The following ARHGAP18 variants were observed in gnomAD, a reference collection of about 807,000 sequenced individuals.
The protein encoded by ARHGAP18 is Rho GTPase activating protein 18.
A neutral mutation model predicts 86.2 loss-of-function variants in ARHGAP18; 67 were observed. The ratio of observed to expected loss-of-function variants is 0.78; its 90% CI spans 0.64 to 0.95. ARHGAP18 has a LOEUF of 0.95. ARHGAP18 is among the 40% of genes least tolerant of loss of function. The pLI is 0.00. For synonymous variants in ARHGAP18, 283 were observed against 280.4 expected (o/e 1.01, Z -0.09); for missense variants, 691 against 780.4 (o/e 0.89, Z 1.37).
rs1041314213 is a variant in ARHGAP18 at position 129,695,671 on chromosome 6, A to G, written c.113+14353T>C. The stretch of plus-strand genomic sequence containing the variant: ...CCTAAATTACACTAAAATCTTAGCA[A>G]TTCAGTGATCTGACAAAGCATCCCA... On this transcript the variant is annotated intron_variant, in intron 1 of 14. Transcript: ENST00000368149. 3.5e-4 allele frequency among the ~76,000 whole-genome samples: 53 copies of G among 152,214 alleles called. 4 individuals carry two copies.
intron 5 of ARHGAP18, among the ~76,000 whole-genome samples, chr6:129,624,037 G>A (rs1789287621): frequency 6.6e-6 from 1 of 152,100 alleles, no homozygotes; most frequent in South Asian, 2.1e-4. Context: ...GGTAGGTGAA[G>A]GTAAATTAGT....
chr6:129,629,898 G>T (rs1045893686), intron 4 of ARHGAP18, among the ~76,000 whole-genome samples: 21 of 152,144 alleles, frequency 1.4e-4, no homozygotes, highest in African/African-American at 4.8e-4. Context: ...AAAGAAGGAG[G>T]TGATGAGCAG....
rs11350669 is a variant in ARHGAP18, at chr6:129,670,688, C to CT, written c.114-28671dup. Among the ~76,000 whole-genome samples the CT allele has an allele frequency of 9.7e-3, 1,340 of 137,996 alleles. 18 individuals are homozygous for CT. Among genetic ancestry groups the CT allele is most frequent in the African/African-American group, 0.03 (1,090 of 36,562 alleles). 90.5% of individuals were successfully genotyped at this position (137,996 alleles called of 152,430 possible). On this transcript the variant is annotated intron_variant, in intron 1 of 14. Transcript: ENST00000368149. ...ACCAAAAGTATGTGAAGTCGTAACT[C>CT]TTTTTTTTTTTTTTTTTACTGCCTC...
chr6:129,603,998 A>T (rs565344406), intron 10 of ARHGAP18, among the ~76,000 whole-genome samples: 51 of 152,320 alleles, frequency 3.3e-4, no homozygotes, highest in African/African-American at 1.2e-3. Flanking sequence ...TCCTGAAATT[A>T]TATTGCATTG....
chr6:129,585,692 AAAATGG>A (rs1163170494), intron 12 of ARHGAP18, among the ~76,000 whole-genome samples: 3 of 152,348 alleles, frequency 2.0e-5, no homozygotes, highest in Non-Finnish European at 2.9e-5. Flanking sequence ...AACCTGAACA[AAAATGG>A]ACAAAGCCTT....
chr6:129,667,332 C>T (rs769841626), intron 1 of ARHGAP18, among the ~76,000 whole-genome samples: 1 of 151,938 alleles, frequency 6.6e-6, no homozygotes, highest in Non-Finnish European at 1.5e-5. Context: ...GAACTACAAC[C>T]CCTATTTGGC....
At chr6:129,684,583 A>G (rs923514032) in intron 1 of ARHGAP18, among the ~76,000 whole-genome samples, 1 of 152,180 alleles carries the variant, frequency 6.6e-6, no homozygotes, top group Non-Finnish European at 1.5e-5. Context: ...AATTTCATGG[A>G]AACACATACA....
chr6:129,671,111 T>C (rs531977994), intron 1 of ARHGAP18, among the ~76,000 whole-genome samples: 3 of 152,214 alleles, frequency 2.0e-5, no homozygotes, highest in Non-Finnish European at 4.4e-5. Context: ...TTTATAATCT[T>C]CACCTTTATG....
chr6:129,674,666 C>T (rs997207160), intron 1 of ARHGAP18, among the ~76,000 whole-genome samples: 25 of 152,138 alleles, frequency 1.6e-4, no homozygotes, highest in Admixed American at 1.6e-3. Flanking sequence ...CTAAACTATA[C>T]AGGAGGATGT....
At chr6:129,651,266 T>C (rs1773705529) in intron 1 of ARHGAP18, among the ~76,000 whole-genome samples, 1 of 152,188 alleles carries the variant, frequency 6.6e-6, no homozygotes, top group Non-Finnish European at 1.5e-5. Flanking sequence ...ATGTTACTTG[T>C]GGATGTTTAG....
intron 9 of ARHGAP18, among the ~76,000 whole-genome samples, chr6:129,606,520 A>G (rs1226088335): frequency 1.3e-5 from 2 of 152,170 alleles, no homozygotes; most frequent in African/African-American, 4.8e-5. Flanking sequence ...CATTTTCAGC[A>G]GCCCTTACCC....
Position 129,625,397 on chromosome 6 carries a change from A to ATAT in ARHGAP18, c.786+3953_786+3955dup, listed in dbSNP as rs1562697249. On this transcript the variant is annotated intron_variant, in intron 5 of 14. Transcript: ENST00000368149. ...TATATTATATATTATATATTTATAC[A>ATAT]TATGTATTATATATTATATATAATA... Among the ~76,000 whole-genome samples the ATAT allele has an allele frequency of 4.9e-4, 27 of 55,278 alleles. 4 individuals carry two copies. Among genetic ancestry groups the ATAT allele is most frequent in the African/African-American group, 3.1e-3 (26 of 8,434 alleles). 36.3% of individuals were successfully genotyped at this position (55,278 alleles called of 152,430 possible).
chr6:129,685,095 T>C (rs953533440), intron 1 of ARHGAP18, among the ~76,000 whole-genome samples: 2 of 152,136 alleles, frequency 1.3e-5, no homozygotes, highest in Non-Finnish European at 2.9e-5. Context: ...CTGCCAGGGT[T>C]TCAAAGCAGC....
At chr6:129,686,983 T>TTTTTTTTTTTTG (rs1774439356) in intron 1 of ARHGAP18, among the ~76,000 whole-genome samples, 1 of 68,462 alleles carries the variant, frequency 1.5e-5, no homozygotes, top group South Asian at 7.6e-4. Flanking sequence ...TTTTTCTTTT[T>TTTTTTTTTTTTG]TTTTTTTTTT....
intron 1 of ARHGAP18, among the ~76,000 whole-genome samples, chr6:129,660,149 C>T (rs561392198): frequency 1.2e-4 from 19 of 152,248 alleles, no homozygotes; most frequent in African/African-American, 3.6e-4. Context: ...AATTAAGAAC[C>T]CTGGAATGCA....
At chr6:129,709,431 T>G (rs1774861826) in intron 1 of ARHGAP18, among the ~76,000 whole-genome samples, 1 of 152,136 alleles carries the variant, frequency 6.6e-6, no homozygotes, top group African/African-American at 2.4e-5. Flanking sequence ...AGCAGCAGAG[T>G]GCTATCTCCT....
intron 1 of ARHGAP18, among the ~76,000 whole-genome samples, chr6:129,657,175 A>T (rs932675449): frequency 6.6e-6 from 1 of 152,186 alleles, no homozygotes; most frequent in Admixed American, 6.5e-5. Context: ...CAGATACCAA[A>T]GTTAAAAGCC....
rs77165417 is a variant in ARHGAP18, at chr6:129,600,172, T to G, written c.1572+470A>C. Among the ~76,000 whole-genome samples, 501 of 152,244 alleles carry G rather than the reference T, an allele frequency of 3.3e-3. 4 individuals are homozygous for G. The highest frequency in any genetic ancestry group is 0.012 in the African/African-American group (480 of 41,556). Reference sequence around the variant, plus strand: ...GCTTATAAGATGCCTCCTGAAAAATTATAAATTTCATTGGAAAATGAGCAC... The same window carrying G: ...GCTTATAAGATGCCTCCTGAAAAATGATAAATTTCATTGGAAAATGAGCAC... On this transcript the variant is annotated intron_variant, in intron 11 of 14. Coordinates refer to ENST00000368149, the MANE Select transcript of ARHGAP18 (RefSeq NM_033515.3).
chr6:129,636,563 C>T (rs915617994), intron 3 of ARHGAP18, among the ~76,000 whole-genome samples: 1 of 152,304 alleles, frequency 6.6e-6, no homozygotes. Context: ...GGTTTACTAT[C>T]TACAGGACAC....
Sources: allele counts gnomAD v4.1 joint callset (sites outside exome capture counted in the v4.1 genomes callset), GRCh38; gene constraint gnomAD v4.1.1; transcripts MANE v1.5; gene names NCBI Gene and HGNC (gene_info 2026-07-23, HGNC 2026-07-21).